The following TNNI3K variants were observed in gnomAD, a reference collection of about 807,000 sequenced individuals.
The protein encoded by TNNI3K is TNNI3 interacting kinase.
A neutral mutation model predicts 114.5 loss-of-function variants in TNNI3K; 140 were observed. The observed-to-expected ratio is 1.22, with a 90% CI of 1.07 to 1.41. TNNI3K has a LOEUF of 1.41. Ranked by LOEUF, TNNI3K falls within the 40% of genes most tolerant of loss-of-function variation. The pLI, the probability that TNNI3K is intolerant of heterozygous loss-of-function variation, is 0.00. For synonymous variants in TNNI3K, 347 were observed against 347.5 expected (o/e 1.00, Z 0.02); for missense variants, 1,125 against 1,007.6 (o/e 1.12, Z -1.58).
chr1:74,532,246 A>G (rs1344694085), intron 23 of TNNI3K, among the ~76,000 whole-genome samples: 28 of 152,182 alleles, frequency 1.8e-4, no homozygotes, highest in Non-Finnish European at 2.5e-4. Context: ...TTGTTGGATA[A>G]AGGAAAGTAT....
chr1:74,444,895 A>C (rs894765225), intron 20 of TNNI3K, among the ~76,000 whole-genome samples: 1 of 152,122 alleles, frequency 6.6e-6, no homozygotes, highest in Non-Finnish European at 1.5e-5. Flanking sequence ...ACACATCTAT[A>C]ACCATCTGAT....
rs780008488 is a variant in TNNI3K at position 74,416,613 on chromosome 1, C to G, written c.1773-19467C>G. ...TATGCTTCTGTTTCCCCTTCCTCTTCTATTCATTATTTTCCAGTGTAATTG... is the reference window on the plus strand; with the variant it reads ...TATGCTTCTGTTTCCCCTTCCTCTTGTATTCATTATTTTCCAGTGTAATTG... On this transcript the variant is annotated intron_variant, in intron 17 of 24. Coordinates refer to ENST00000326637, the MANE Select transcript of TNNI3K (RefSeq NM_015978.3). The G allele has an allele frequency of 3.2e-6, 3 of 935,106 alleles. No homozygotes were observed. In the African/African-American group the frequency reaches 5.3e-5, roughly 17 times the overall value. The allele number at this position is 935,106 out of a possible 1,614,324, so 57.9% of individuals were successfully genotyped here.
intron 21 of TNNI3K, among the ~76,000 whole-genome samples, chr1:74,481,928 T>C (rs1668525774): frequency 6.6e-6 from 1 of 152,142 alleles, no homozygotes; most frequent in South Asian, 2.1e-4. Flanking sequence ...AAATTCAGAC[T>C]GCATCGCGGA....
At chr1:74,291,514 T>G (rs1657677078) in intron 5 of TNNI3K, among the ~76,000 whole-genome samples, 2 of 151,524 alleles carry the variant, frequency 1.3e-5, no homozygotes, top group Non-Finnish European at 1.5e-5. Flanking sequence ...TCGTTTCATT[T>G]TACAGATTGG....
intron 17 of TNNI3K, among the ~76,000 whole-genome samples, chr1:74,415,313 T>C (rs1419835108): frequency 6.6e-6 from 1 of 152,158 alleles, no homozygotes; most frequent in East Asian, 1.9e-4. Context: ...TCTACTGTGT[T>C]GTATTTTTCT....
chr1:74,409,291 A>G (rs1050525696), intron 17 of TNNI3K, among the ~76,000 whole-genome samples: 2 of 152,140 alleles, frequency 1.3e-5, no homozygotes, highest in Non-Finnish European at 2.9e-5. Flanking sequence ...CGCTGTTATG[A>G]CAAAGAGCCA....
intron 17 of TNNI3K, among the ~76,000 whole-genome samples, chr1:74,425,359 T>C (rs1665586087): frequency 6.6e-6 from 1 of 152,122 alleles, no homozygotes; most frequent in Admixed American, 6.6e-5. Flanking sequence ...GATAAGAATT[T>C]TCCTGGAGTA....
In TNNI3K at chr1:74,256,367, T is replaced by A. The variant is rs1570379901; in HGVS notation, c.333+5598T>A. Among the ~76,000 whole-genome samples, 8 of 142,978 alleles carry A rather than the reference T, an allele frequency of 5.6e-5. 1 individual carries two copies. In the South Asian group the frequency reaches 1.8e-3, roughly 33 times the overall value. The allele number at this position is 142,978 out of a possible 152,430, so 93.8% of individuals were successfully genotyped here. On this transcript the variant is annotated intron_variant, in intron 4 of 24. Coordinates refer to ENST00000326637, the MANE Select transcript of TNNI3K (RefSeq NM_015978.3). ...TATTTCATTATAATTTTAATTTGCA[T>A]TTCCCTGAAGACTAAAGAGGTTGAA...
intron 23 of TNNI3K, among the ~76,000 whole-genome samples, chr1:74,493,084 C>T (rs938271333): frequency 6.6e-6 from 1 of 152,100 alleles, no homozygotes; most frequent in Non-Finnish European, 1.5e-5. Flanking sequence ...GCCTTCTCTC[C>T]AATTTAGTCA....
At chr1:74,296,877 T>C (rs151309910) in intron 5 of TNNI3K, among the ~76,000 whole-genome samples, 2,999 of 152,268 alleles carry the variant, frequency 0.02, 50 homozygotes, top group Non-Finnish European at 0.03. Flanking sequence ...TGTTATCAGT[T>C]TTACCATGAT....
chr1:74,404,191 TTTTCATCACCACCAAGGGTAAA>T (rs1197147085), intron 17 of TNNI3K, among the ~76,000 whole-genome samples: 1 of 152,126 alleles, frequency 6.6e-6, no homozygotes, highest in Non-Finnish European at 1.5e-5. Context: ...ACATCCATCC[TTTTCATCACCACCAAGGGTAAA>T]TCAGAATTTA....
intron 17 of TNNI3K, among the ~76,000 whole-genome samples, chr1:74,385,574 C>A (rs1663429429): frequency 6.6e-6 from 1 of 152,062 alleles, no homozygotes; most frequent in South Asian, 2.1e-4. Context: ...ATATCAAAAA[C>A]AATTCCAGCT....
chr1:74,498,857 A>C (rs1257192175), intron 23 of TNNI3K, among the ~76,000 whole-genome samples: 3 of 152,204 alleles, frequency 2.0e-5, no homozygotes, highest in African/African-American at 7.2e-5. Context: ...GTTTTTTAAA[A>C]AAAATTTTAA....
chr1:74,540,412 C>A, intron 24 of TNNI3K, 99 bp downstream of exon 24: 1 of 1,084,318 alleles, frequency 9.2e-7, no homozygotes, highest in Non-Finnish European at 1.3e-6. Flanking sequence ...TTGTAATATC[C>A]AAAATGACAG....
intron 7 of TNNI3K, among the ~76,000 whole-genome samples, chr1:74,338,062 A>C (rs1224022376): frequency 1.3e-5 from 2 of 152,056 alleles, no homozygotes; most frequent in Middle Eastern, 3.2e-3. Flanking sequence ...ATATATATAA[A>C]CACACATATA....
intron 4 of TNNI3K, among the ~76,000 whole-genome samples, chr1:74,254,403 T>G (rs1190993026): frequency 5.3e-5 from 8 of 152,350 alleles, no homozygotes; most frequent in African/African-American, 1.9e-4. Context: ...CAGGATAGGA[T>G]TCAATCCACA....
chr1:74,416,666 T>A lies in TNNI3K; in HGVS notation c.1773-19414T>A, dbSNP rs546676978. Reference sequence around the variant, plus strand: ...ATTAGATACATGAATTTTAATTGATTTTTTTTCTTATTCTTACATTAAATA... The same window carrying A: ...ATTAGATACATGAATTTTAATTGATATTTTTTCTTATTCTTACATTAAATA... On this transcript the variant is annotated intron_variant, in intron 17 of 24. Transcript: ENST00000326637. The A allele has an allele frequency of 6.0e-6, 4 of 664,158 alleles. No individual in the cohort carries two copies. In the East Asian group the frequency reaches 5.4e-4, roughly 90 times the overall value. 41.1% of individuals were successfully genotyped at this position (664,158 alleles called of 1,614,324 possible). A position where few individuals can be genotyped will look rare whatever the true frequency, so the allele number is the denominator to read the frequency against.
chr1:74,490,068 A>C (rs1668983057), intron 22 of TNNI3K, among the ~76,000 whole-genome samples: 1 of 151,114 alleles, frequency 6.6e-6, no homozygotes, highest in East Asian at 1.9e-4. Flanking sequence ...AAAAAAAAAA[A>C]AAAAAAAACT....
At chr1:74,274,946 G>T (rs1360799264) in intron 5 of TNNI3K, among the ~76,000 whole-genome samples, 2 of 152,000 alleles carry the variant, frequency 1.3e-5, no homozygotes, top group Admixed American at 6.6e-5. Flanking sequence ...AAAGCAGAAT[G>T]GTCGTATGGG....
Sources: allele counts gnomAD v4.1 joint callset (sites outside exome capture counted in the v4.1 genomes callset), GRCh38; gene constraint gnomAD v4.1.1; transcripts MANE v1.5; gene names NCBI Gene and HGNC (gene_info 2026-07-23, HGNC 2026-07-21).